SGCG: variants seen among roughly 807,000 people sequenced by gnomAD.
The protein encoded by SGCG is sarcoglycan gamma.
In SGCG, 26 loss-of-function variants were observed where a neutral mutation model predicts 29.3. That is an observed-to-expected ratio of 0.89 (90% CI 0.65 to 1.23). The LOEUF (loss-of-function observed/expected upper bound fraction) is 1.23, where lower values mean the gene tolerates loss of function less well. Ranked by LOEUF, SGCG falls within the 50% of genes most tolerant of loss-of-function variation. SGCG has a pLI of 0.00. For synonymous variants in SGCG, 145 were observed against 129.7 expected, an observed-to-expected ratio of 1.12 and a Z score of -0.80; for missense variants, 353 against 356.0, an observed-to-expected ratio of 0.99 and a Z score of 0.07.
intron 2 of SGCG, among the ~76,000 whole-genome samples, chr13:23,206,887 T>A (rs1288420606): frequency 2.0e-5 from 3 of 152,222 alleles, no homozygotes. Context: ...ATGTACATTG[T>A]ACCAAAAGTG....
chr13:23,316,530 A>G (rs1445593348), intron 6 of SGCG, among the ~76,000 whole-genome samples: 1 of 152,178 alleles, frequency 6.6e-6, no homozygotes, highest in East Asian at 1.9e-4. Flanking sequence ...CTAGGTGACA[A>G]TACTTTGCAG....
chr13:23,168,710 T>C, the SGCG span, among the ~76,000 whole-genome samples: 14 of 152,196 alleles, frequency 9.2e-5, no homozygotes, highest in African/African-American at 3.4e-4. Flanking sequence ...ACAAACATTT[T>C]TTAATATTAG....
intron 2 of SGCG, among the ~76,000 whole-genome samples, chr13:23,216,026 A>ATTGCTAAGAAAGC (rs1367488841): frequency 6.6e-6 from 1 of 152,200 alleles, no homozygotes; most frequent in Admixed American, 6.5e-5. Flanking sequence ...TTTTCTTAGC[A>ATTGCTAAGAAAGC]ATGAAACATA....
chr13:23,314,456 G>GATA (rs1321841768), intron 6 of SGCG, among the ~76,000 whole-genome samples: 1 of 118,930 alleles, frequency 8.4e-6, no homozygotes, highest in Non-Finnish European at 1.7e-5. Context: ...ATATATAAAG[G>GATA]TATATATATA....
intron 5 of SGCG, among the ~76,000 whole-genome samples, chr13:23,292,398 C>G (rs759827540): frequency 2.0e-5 from 3 of 152,280 alleles, no homozygotes; most frequent in Non-Finnish European, 2.9e-5. Context: ...GCGTGAGCCA[C>G]TGCGCCCACC....
intron 2 of SGCG, among the ~76,000 whole-genome samples, chr13:23,221,628 C>T (rs1410518): frequency 0.77 from 117,444 of 152,178 alleles, 45,508 homozygotes; most frequent in East Asian, 0.92. Flanking sequence ...AGTTTACATA[C>T]ATGTGGCACA....
At chr13:23,314,189 T>G (rs9580599) in intron 6 of SGCG, among the ~76,000 whole-genome samples, 17,044 of 104,496 alleles carry the variant, frequency 0.16, 1,560 homozygotes, top group East Asian at 0.37. Flanking sequence ...TATATATATA[T>G]AGAGAGAGAG....
chr13:23,179,571 A>G (rs1284767799), upstream of SGCG, among the ~76,000 whole-genome samples: 1 of 152,192 alleles, frequency 6.6e-6, no homozygotes, highest in Non-Finnish European at 1.5e-5. Flanking sequence ...ATTATTGTTT[A>G]ATATATTATT....
chr13:23,254,350 A>T (rs1341234017), intron 4 of SGCG, among the ~76,000 whole-genome samples: 2 of 152,130 alleles, frequency 1.3e-5, no homozygotes, highest in Non-Finnish European at 2.9e-5. Context: ...CCTAGGAAAG[A>T]GCTTAGCTGC....
At position 23,279,356 on chromosome 13, in the gene SGCG, C is replaced by A; in HGVS notation, c.386-3C>A. Reference sequence around the variant, plus strand: ...TTTATAATAAACTGTTTTAATTCTTCAGGTCCCAAAATGGTAGAAGTCCAG... The same window carrying A: ...TTTATAATAAACTGTTTTAATTCTTAAGGTCCCAAAATGGTAGAAGTCCAG... On this transcript the variant is annotated splice_region_variant and splice_polypyrimidine_tract_variant and intron_variant, in intron 4 of 7. Coordinates refer to ENST00000218867, the MANE Select transcript of SGCG (RefSeq NM_000231.3). 1 of 1,612,244 alleles carries A rather than the reference C, an allele frequency of 6.2e-7. No homozygotes were observed. Among genetic ancestry groups the A allele is most frequent in the South Asian group, 1.1e-5 (1 of 90,972 alleles).
intron 2 of SGCG, among the ~76,000 whole-genome samples, chr13:23,215,590 C>T (rs186238752): frequency 5.3e-5 from 8 of 152,162 alleles, no homozygotes; most frequent in East Asian, 3.9e-4. Context: ...AAGCCTGGCA[C>T]AAAATTATGA....
chr13:23,288,087 C>T (rs9510674), intron 5 of SGCG, among the ~76,000 whole-genome samples: 65,861 of 152,054 alleles, frequency 0.43, 15,113 homozygotes, highest in Middle Eastern at 0.65. Context: ...AATGCTTCCA[C>T]ACAAATTCCC....
At chr13:23,258,978 T>C (rs1880314652) in intron 4 of SGCG, among the ~76,000 whole-genome samples, 1 of 152,210 alleles carries the variant, frequency 6.6e-6, no homozygotes, top group African/African-American at 2.4e-5. Flanking sequence ...TTTGCATCGA[T>C]GTTCATCAGG....
intron 2 of SGCG, among the ~76,000 whole-genome samples, chr13:23,215,339 AAAGAT>A (rs1258576265): frequency 3.3e-5 from 5 of 152,250 alleles, no homozygotes; most frequent in African/African-American, 1.2e-4. Context: ...AAATGCTAAT[AAAGAT>A]AATATCTTGA....
At chr13:23,321,509 T>G (rs1883041561) in intron 7 of SGCG, among the ~76,000 whole-genome samples, 1 of 152,176 alleles carries the variant, frequency 6.6e-6, no homozygotes, top group South Asian at 2.1e-4. Flanking sequence ...CCATTATTAA[T>G]TAAAATTAAC....
chr13:23,225,992 T>C (rs1373391797), intron 2 of SGCG, among the ~76,000 whole-genome samples: 1 of 152,172 alleles, frequency 6.6e-6, no homozygotes, highest in Middle Eastern at 3.2e-3. Flanking sequence ...CATTTACTTA[T>C]TCAGTCAATC....
chr13:23,200,727 T>G (rs79734492), intron 1 of SGCG, among the ~76,000 whole-genome samples: 5,068 of 152,116 alleles, frequency 0.033, 305 homozygotes, highest in African/African-American at 0.12. Context: ...GGCCTGTTAC[T>G]GAAATAGGAA....
At chr13:23,250,544 T>A in intron 3 of SGCG, 86 bp from the exon 4 acceptor site, 1 of 749,602 alleles carries the variant, frequency 1.3e-6, no homozygotes, top group Non-Finnish European at 2.4e-6. Context: ...AATAATTTTA[T>A]AAAAATCCTA....
rs781429055 is a variant in SGCG at position 23,279,347 on chromosome 13, T to C, written c.386-12T>C. On this transcript the variant is annotated splice_polypyrimidine_tract_variant and intron_variant, in intron 4 of 7. Transcript: ENST00000218867. ...AGTGAACAGTTTATAATAAACTGTT[T>C]TAATTCTTCAGGTCCCAAAATGGTA... 2 of 1,611,554 alleles carry C rather than the reference T, an allele frequency of 1.2e-6. No homozygotes were observed. The highest frequency in any genetic ancestry group is 1.7e-5 in the Admixed American group (1 of 59,948).
Sources: gnomAD v4.1 joint callset for allele counts (sites outside exome capture counted in the v4.1 genomes callset) on GRCh38, gnomAD v4.1.1 for gene constraint, MANE v1.5 for transcripts, NCBI Gene and HGNC (gene_info 2026-07-23, HGNC 2026-07-21) for gene names.